Variants in GNAT2 observed in about 807,000 individuals in gnomAD.
The protein encoded by GNAT2 is guanine nucleotide-binding protein G(t) subunit alpha-2.
Under a neutral mutation model 40.9 loss-of-function variants are expected in GNAT2, and 32 were observed. The ratio of observed to expected loss-of-function variants is 0.78; its 90% confidence interval spans 0.59 to 1.05. GNAT2 has a LOEUF of 1.05. Ranked by LOEUF, GNAT2 falls within the 50% of genes least tolerant of loss-of-function variation. The pLI is 0.00. For missense variants in GNAT2, 355 were observed against 431.5 expected, an observed-to-expected ratio of 0.82 and a Z score of 1.57; for synonymous variants, 141 against 157.2, an observed-to-expected ratio of 0.90 and a Z score of 0.77.
rs571141366 is a variant in GNAT2, at chr1:109,611,902, C to T, written c.118+851G>A. ...TGCCTTAGCCTAGTGCGTCAGCTCC[C>T]AGATCCCTTATGGGGGCTTGGAAAC... On this transcript the variant is annotated intron_variant, in intron 2 of 8. Coordinates refer to ENST00000679935, the MANE Select transcript of GNAT2 (RefSeq NM_001377295.2). The T allele has an allele frequency of 4.6e-5, 7 of 152,442 alleles. No individual in the cohort carries two copies. In the East Asian group the frequency reaches 9.7e-4, roughly 21 times the overall value. 9.4% of individuals were successfully genotyped at this position (152,442 alleles called of 1,614,324 possible).
chr1:109,604,082 T>G lies in GNAT2; in HGVS notation c.743A>C (p.His248Pro). Residue 248 changes from histidine (H) to proline (P), a missense_variant, in exon 8 of 9, where the codon CAT becomes CCT. Coordinates refer to ENST00000679935, the MANE Select transcript of GNAT2 (RefSeq NM_001377295.2). The stretch of plus-strand genomic sequence containing the variant: ...GTGGTTACATATGCTGTTGAACAGA[T>G]GCAAAGACTCATGCATACGATTCTA... ...DEVNRMHESL[H>P]LFNSICNHKF... The G allele has an allele frequency of 6.2e-7, 1 of 1,612,158 alleles. No individual in the cohort carries two copies. Among genetic ancestry groups the G allele is most frequent in the Non-Finnish European group, 8.5e-7 (1 of 1,178,332 alleles).
intron 2 of GNAT2, chr1:109,610,761 T>A (rs1285730359): frequency 3.5e-6 from 2 of 572,280 alleles, no homozygotes; most frequent in Admixed American, 5.8e-5. Context: ...GCAGCATTCC[T>A]GGCCTCTACC....
At chr1:109,606,174 A>G (rs1308979908) in intron 6 of GNAT2, 75 bp from the exon 7 acceptor site, 8 of 1,586,642 alleles carry the variant, frequency 5.0e-6, no homozygotes, top group Non-Finnish European at 6.9e-6. Context: ...CACCCCGTGA[A>G]GTGGGAGAGG....
At chr1:109,615,983 C>G (rs1320851298) in intron 1 of GNAT2, 2 of 152,276 alleles carry the variant, frequency 1.3e-5, no homozygotes, top group Admixed American at 1.3e-4. Context: ...GCTACTACCT[C>G]TGCAAACTTC....
At chr1:109,612,690 C>T (rs1649833354) in intron 2 of GNAT2, 63 bp downstream of exon 2, 2 of 1,016,444 alleles carry the variant, frequency 2.0e-6, no homozygotes, top group Non-Finnish European at 3.1e-6. Flanking sequence ...TAGAACCCAC[C>T]AACCCTTCAG....
At chr1:109,607,070 G>T (rs1346014750) in intron 5 of GNAT2, 1 of 153,068 alleles carries the variant, frequency 6.5e-6, no homozygotes, top group Admixed American at 6.5e-5. Context: ...GCCATGAGTT[G>T]ATAACTGTTG....
intron 7 of GNAT2, chr1:109,605,290 C>G (rs772131073): frequency 1.3e-5 from 2 of 153,134 alleles, no homozygotes; most frequent in Non-Finnish European, 2.9e-5. Context: ...TTCCCAAATT[C>G]AGAAAGCAGA....
At chr1:109,610,634 A>T in intron 2 of GNAT2, 127 bp from the exon 3 acceptor site, 1 of 764,778 alleles carries the variant, frequency 1.3e-6, no homozygotes, top group Non-Finnish European at 2.3e-6. Context: ...CATAGGGATG[A>T]CTGCTGCCCT....
intron 5 of GNAT2, chr1:109,608,426 T>A: frequency 1.6e-6 from 1 of 632,882 alleles, no homozygotes; most frequent in Non-Finnish European, 2.9e-6. Context: ...TAGAAAGTCA[T>A]GACAACTGTG....
intron 2 of GNAT2, chr1:109,611,573 T>C (rs906598266): frequency 6.6e-6 from 1 of 152,156 alleles, no homozygotes; most frequent in African/African-American, 2.4e-5. Flanking sequence ...TTGACTAATG[T>C]GTCCTAATGT....
At chr1:109,606,502 A>C in intron 5 of GNAT2, 66 bp from the exon 6 acceptor site, 1 of 1,342,346 alleles carries the variant, frequency 7.4e-7, no homozygotes, top group Non-Finnish European at 1.1e-6. Flanking sequence ...CGTAAAAGGT[A>C]TCTTACCCAA....
At chr1:109,614,612 T>C (rs535781228) in intron 1 of GNAT2, 1 of 152,356 alleles carries the variant, frequency 6.6e-6, no homozygotes, top group East Asian at 1.9e-4. Context: ...CCCAGCTGAT[T>C]CTAGTGTACA....
At chr1:109,611,165 C>T (rs192978257) in intron 2 of GNAT2, 1 of 151,006 alleles carries the variant, frequency 6.6e-6, no homozygotes, top group East Asian at 2.0e-4. Flanking sequence ...TGTGCGACAT[C>T]ATGCCCGACT....
chr1:109,610,533 C>G, intron 2 of GNAT2, 26 bp from the exon 3 acceptor site: 1 of 1,607,058 alleles, frequency 6.2e-7, no homozygotes, highest in Non-Finnish European at 8.5e-7. Context: ...CTTATGCTTT[C>G]GATTTCCACC....
chr1:109,609,630 C>G (rs913700663), intron 4 of GNAT2: 3 of 316,990 alleles, frequency 9.5e-6, no homozygotes, highest in African/African-American at 6.5e-5. Context: ...AGACCCTGTC[C>G]CAGTAAAAAT....
chr1:109,603,498 G>A lies in GNAT2; in HGVS notation c.921C>T (p.Phe307=), dbSNP rs766791706. 1 of 1,611,252 alleles carries A rather than the reference G, an allele frequency of 6.2e-7. No homozygotes were observed. Among genetic ancestry groups the A allele is most frequent in the South Asian group, 1.1e-5 (1 of 91,034 alleles). ...DDAGNYIKSQ[F]LDLNMRKDVK... ...CATCTTTTCGCATATTGAGGTCAAG[G>A]AACTGGCTCTTTATGTAATTCCCCG... is the stretch of plus-strand genomic sequence containing the variant. Residue 307 remains phenylalanine (F), a synonymous_variant, in exon 9 of 9, where the codon TTC becomes TTT. Transcript: ENST00000679935.
intron 1 of GNAT2, chr1:109,616,795 GGGAAA>G (rs1432942600): frequency 6.6e-6 from 1 of 152,252 alleles, no homozygotes; most frequent in African/African-American, 2.4e-5. Context: ...ACGCATTTTG[GGGAAA>G]GGAAAGAGCA....
chr1:109,608,891 A>G, intron 4 of GNAT2, 103 bp from the exon 5 acceptor site: 1 of 895,412 alleles, frequency 1.1e-6, no homozygotes, highest in Non-Finnish European at 1.8e-6. Context: ...TACTACGAAG[A>G]CCTAAGATGG....
At chr1:109,610,529 C>A in intron 2 of GNAT2, 22 bp from the exon 3 acceptor site, 3 of 1,610,282 alleles carry the variant, frequency 1.9e-6, no homozygotes, top group Non-Finnish European at 2.5e-6. Context: ...AATGCTTATG[C>A]TTTCGATTTC....
Sources: gnomAD v4.1 joint callset for allele counts on GRCh38, gnomAD v4.1.1 for gene constraint, MANE v1.5 for transcripts, NCBI Gene and HGNC (gene_info 2026-07-23, HGNC 2026-07-21) for gene names.